SLC9A9: variants seen among roughly 807,000 people sequenced by gnomAD.
SLC9A9 encodes the protein solute carrier family 9 member A9.
A neutral mutation model predicts 77.8 loss-of-function variants in SLC9A9; 62 were observed. That is an observed-to-expected ratio of 0.80 (90% CI 0.65 to 0.98). SLC9A9 has a LOEUF of 0.98. Ranked by LOEUF, SLC9A9 falls within the 50% of genes least tolerant of loss-of-function variation. The pLI, the probability that SLC9A9 is intolerant of heterozygous loss-of-function variation, is 0.00. For missense variants in SLC9A9, 775 were observed against 774.9 expected (o/e 1.00, Z 0.00); for synonymous variants, 320 against 283.5 (o/e 1.13, Z -1.29).
At chr3:143,774,052 A>G (rs1409711287) in intron 4 of SLC9A9, among the ~76,000 whole-genome samples, 1 of 152,240 alleles carries the variant, frequency 6.6e-6, no homozygotes, top group Non-Finnish European at 1.5e-5. Context: ...TAAGGGGATA[A>G]TTTAAAACAA....
intron 4 of SLC9A9, among the ~76,000 whole-genome samples, chr3:143,740,099 A>G (rs1935040613): frequency 6.6e-6 from 1 of 152,310 alleles, no homozygotes; most frequent in East Asian, 1.9e-4. Flanking sequence ...GAGATCCTGG[A>G]TATCTCTAGA....
chr3:143,664,810 T>C (rs904886107), intron 5 of SLC9A9, among the ~76,000 whole-genome samples: 1 of 152,178 alleles, frequency 6.6e-6, no homozygotes, highest in African/African-American at 2.4e-5. Context: ...ATGCACCCAA[T>C]ACAGGGGCAC....
intron 6 of SLC9A9, among the ~76,000 whole-genome samples, chr3:143,587,746 A>G (rs1328740376): frequency 6.6e-6 from 1 of 152,206 alleles, no homozygotes; most frequent in Non-Finnish European, 1.5e-5. Context: ...TGGGTGGGAG[A>G]CAACATGATC....
chr3:143,750,328 A>C (rs926339537), intron 4 of SLC9A9, among the ~76,000 whole-genome samples: 2 of 152,224 alleles, frequency 1.3e-5, no homozygotes, highest in Admixed American at 1.3e-4. Context: ...TTCTATTGTC[A>C]CAAGCTTTAA....
intron 4 of SLC9A9, among the ~76,000 whole-genome samples, chr3:143,723,820 G>C (rs1005178076): frequency 2.6e-5 from 4 of 152,172 alleles, no homozygotes; most frequent in African/African-American, 9.7e-5. Flanking sequence ...TTACCTGAGA[G>C]TGTGTTGAAA....
chr3:143,646,347 G>T (rs1463088594), intron 6 of SLC9A9, among the ~76,000 whole-genome samples: 1 of 147,798 alleles, frequency 6.8e-6, no homozygotes, highest in East Asian at 1.9e-4. Flanking sequence ...TATAATGTAT[G>T]TTAGTATATA....
intron 13 of SLC9A9, among the ~76,000 whole-genome samples, chr3:143,372,628 A>G (rs1249901449): frequency 6.6e-6 from 1 of 152,196 alleles, no homozygotes; most frequent in Admixed American, 6.5e-5. Flanking sequence ...GGCCTAATTA[A>G]TCTAATAAAC....
chr3:143,450,279 A>C (rs2034982017), intron 12 of SLC9A9, among the ~76,000 whole-genome samples: 1 of 145,000 alleles, frequency 6.9e-6, no homozygotes, highest in Non-Finnish European at 1.5e-5. Context: ...TTCTAGTCTG[A>C]TATGCTTTAA....
At chr3:143,606,302 G>C (rs939975485) in intron 6 of SLC9A9, among the ~76,000 whole-genome samples, 3 of 151,650 alleles carry the variant, frequency 2.0e-5, no homozygotes, top group African/African-American at 4.8e-5. Flanking sequence ...CTACTCAGGA[G>C]GCTGAGGCAG....
intron 6 of SLC9A9, among the ~76,000 whole-genome samples, chr3:143,640,238 G>A (rs2038599519): frequency 1.3e-5 from 2 of 152,048 alleles, no homozygotes; most frequent in Admixed American, 6.6e-5. Context: ...AGCCAGGACA[G>A]TCTCAATTTC....
At chr3:143,603,162 T>G (rs555565446) in intron 6 of SLC9A9, among the ~76,000 whole-genome samples, 46 of 152,370 alleles carry the variant, frequency 3.0e-4, no homozygotes, top group African/African-American at 1.1e-3. Flanking sequence ...ATCAATAACA[T>G]AAATATTGAC....
chr3:143,370,272 T>C (rs905648222), intron 13 of SLC9A9, among the ~76,000 whole-genome samples: 2 of 152,200 alleles, frequency 1.3e-5, no homozygotes, highest in African/African-American at 4.8e-5. Flanking sequence ...TACATTTGCA[T>C]AGCTCTTTAC....
intron 12 of SLC9A9, among the ~76,000 whole-genome samples, chr3:143,404,771 AT>A (rs2033940863): frequency 6.6e-6 from 1 of 152,114 alleles, no homozygotes; most frequent in Non-Finnish European, 1.5e-5. Flanking sequence ...GGTTTTGTTA[AT>A]TTATTTAATG....
At chr3:143,524,855 C>T (rs2036377450) in intron 9 of SLC9A9, among the ~76,000 whole-genome samples, 1 of 152,178 alleles carries the variant, frequency 6.6e-6, no homozygotes, top group Admixed American at 6.5e-5. Context: ...GCCTGCCTCT[C>T]CTGTTTTGCT....
At chr3:143,518,152 C>G in intron 9 of SLC9A9, 1 of 1,600,366 alleles carries the variant, frequency 6.2e-7, no homozygotes, top group South Asian at 1.1e-5. Flanking sequence ...AGCGCATTTC[C>G]TCGGTGTGCA....
intron 4 of SLC9A9, among the ~76,000 whole-genome samples, chr3:143,727,799 A>G (rs6790922): frequency 0.011 from 1,716 of 152,348 alleles, 38 homozygotes; most frequent in African/African-American, 0.038. Flanking sequence ...TTGGGCTATT[A>G]CTTTTGCTCA....
intron 2 of SLC9A9, among the ~76,000 whole-genome samples, chr3:143,822,771 A>G (rs1197472124): frequency 1.3e-5 from 2 of 152,196 alleles, no homozygotes; most frequent in Admixed American, 1.3e-4. Flanking sequence ...TGTAAATATT[A>G]TTTACTCAGA....
intron 9 of SLC9A9, among the ~76,000 whole-genome samples, chr3:143,506,909 T>TA (rs1226029676): frequency 2.0e-5 from 3 of 152,148 alleles, no homozygotes; most frequent in African/African-American, 7.2e-5. Flanking sequence ...ATCGTGTCTT[T>TA]AAAAAATCCC....
chr3:143,449,840 A>ATTT (rs376416150), intron 12 of SLC9A9, among the ~76,000 whole-genome samples: 16 of 63,620 alleles, frequency 2.5e-4, no homozygotes, highest in African/African-American at 9.2e-4. Context: ...AATTATATGT[A>ATTT]TTATATATAT....
Sources: gnomAD v4.1 joint callset for allele counts (sites outside exome capture counted in the v4.1 genomes callset) on GRCh38, gnomAD v4.1.1 for gene constraint, MANE v1.5 for transcripts, NCBI Gene and HGNC (gene_info 2026-07-23, HGNC 2026-07-21) for gene names.